The following RCC1 variants were observed in gnomAD, a reference collection of about 807,000 sequenced individuals.
RCC1 encodes regulator of chromosome condensation.
In RCC1, 11 loss-of-function variants were observed where a neutral mutation model predicts 44.4. That is an observed-to-expected ratio of 0.25 (90% CI 0.16 to 0.41). The LOEUF (loss-of-function observed/expected upper bound fraction) is 0.41, where lower values mean the gene tolerates loss of function less well. Among genes scored for constraint, RCC1 ranks in the 10% least tolerant of loss-of-function variants. The pLI is 1.00. For synonymous variants in RCC1, 213 were observed against 216.5 expected (o/e 0.98, Z 0.14); for missense variants, 386 against 547.1 (o/e 0.71, Z 2.94).
intron 9 of RCC1, 47 bp from the exon 10 acceptor site, chr1:28,535,824 C>T (rs774366293): frequency 3.5e-5 from 56 of 1,583,328 alleles, no homozygotes; most frequent in Non-Finnish European, 4.6e-5. Context: ...AGAGAGAAGC[C>T]ATGTGTGTCT....
At chr1:28,518,766 G>A (rs1158238622) in intron 4 of RCC1, 3 of 152,106 alleles carry the variant, frequency 2.0e-5, no homozygotes, top group African/African-American at 7.2e-5. Context: ...GGTCGTAGGA[G>A]CTCGAGGGTC....
At chr1:28,533,442 G>T (rs958343051) in intron 7 of RCC1, among the ~76,000 whole-genome samples, 14 of 147,662 alleles carry the variant, frequency 9.5e-5, no homozygotes, top group African/African-American at 3.3e-4. Context: ...CTGCACTCCA[G>T]CCTAGGGGAC....
chr1:28,509,423 G>T (rs1662325425), intron 3 of RCC1: 1 of 158,344 alleles, frequency 6.3e-6, no homozygotes, highest in Non-Finnish European at 1.4e-5. Context: ...TGTATTTTTA[G>T]TAGAGATGAG....
At chr1:28,533,825 T>TTTTTCTTTTC (rs1557879700) in intron 7 of RCC1, among the ~76,000 whole-genome samples, 5 of 129,390 alleles carry the variant, frequency 3.9e-5, no homozygotes, top group African/African-American at 8.7e-5. Context: ...GAATTATATT[T>TTTTTCTTTTC]TTTTCTTTTC....
Position 28,523,032 on chromosome 1 carries a change from T to C in RCC1, c.-10+6165T>C, listed in dbSNP as rs1201352801. 5.1e-5 allele frequency among the ~76,000 whole-genome samples: 7 copies of C among 137,712 alleles called. No individual in the cohort carries two copies. The East Asian group carries it at 6.0e-4, about 12-fold the overall frequency. 90.3% of individuals were successfully genotyped at this position (137,712 alleles called of 152,430 possible). A position where few individuals can be genotyped will look rare whatever the true frequency, so the allele number is the denominator to read the frequency against. On this transcript the variant is annotated intron_variant, in intron 4 of 12. Coordinates refer to ENST00000683442, the MANE Select transcript of RCC1 (RefSeq NM_001381865.2). The stretch of plus-strand genomic sequence containing the variant: ...GAAGGAGGCAGAAGAAATTTCTTTT[T>C]TTTTTTTTTTTTTTTTTGAGACGGA...
chr1:28,515,624 G>A (rs1662851654), intron 3 of RCC1, among the ~76,000 whole-genome samples: 1 of 150,172 alleles, frequency 6.7e-6, no homozygotes, highest in Non-Finnish European at 1.5e-5. Context: ...GACTGAGGCA[G>A]GAAAATTGCT....
chr1:28,523,543 A>G (rs928929646), intron 4 of RCC1, among the ~76,000 whole-genome samples: 9 of 152,148 alleles, frequency 5.9e-5, no homozygotes, highest in African/African-American at 2.2e-4. Flanking sequence ...TCCATCCATG[A>G]TAACAGATTT....
chr1:28,519,752 T>C (rs1213817328), intron 4 of RCC1, among the ~76,000 whole-genome samples: 1 of 151,598 alleles, frequency 6.6e-6, no homozygotes, highest in Non-Finnish European at 1.5e-5. Flanking sequence ...TTTTTTTTTT[T>C]AGTAGAGACG....
At chr1:28,524,968 C>G (rs2840767) in intron 4 of RCC1, among the ~76,000 whole-genome samples, 152,284 of 152,296 alleles carry the variant, frequency 1, 76,136 homozygotes, top group Middle Eastern at 1. Flanking sequence ...CCCAGACACC[C>G]AGTTAAAGAA....
At chr1:28,506,107 G>T (rs1426846577) in intron 1 of RCC1, 23 bp downstream of exon 1, 1 of 455,226 alleles carries the variant, frequency 2.2e-6, no homozygotes, top group African/African-American at 2.0e-5. Flanking sequence ...CTTGGTAAGT[G>T]TGATCAGATG....
At chr1:28,526,493 G>A in intron 4 of RCC1, 1 of 577,114 alleles carries the variant, frequency 1.7e-6, no homozygotes, top group Non-Finnish European at 3.3e-6. Context: ...AGGCAAGACG[G>A]CTAAAGTGGG....
intron 2 of RCC1, chr1:28,508,625 G>T (rs1469440760): frequency 1.9e-6 from 1 of 518,750 alleles, no homozygotes; most frequent in East Asian, 5.4e-5. Context: ...GGAGCTTAGG[G>T]CTCTGCCCCA....
intron 4 of RCC1, among the ~76,000 whole-genome samples, chr1:28,521,367 G>A (rs1318515570): frequency 3.3e-5 from 5 of 151,758 alleles, no homozygotes; most frequent in African/African-American, 7.3e-5. Context: ...TGGGTGTGGT[G>A]GCAGGCGCCT....
intron 1 of RCC1, chr1:28,507,613 T>TG (rs1662102444): frequency 2.1e-6 from 1 of 481,892 alleles, no homozygotes; most frequent in Non-Finnish European, 4.1e-6. Context: ...TTTTTTTTTT[T>TG]TTTTTTTTGG....
At chr1:28,514,958 A>G (rs1662802013) in intron 3 of RCC1, among the ~76,000 whole-genome samples, 1 of 152,158 alleles carries the variant, frequency 6.6e-6, no homozygotes, top group South Asian at 2.1e-4. Context: ...TATGTTATAA[A>G]ACCCACAGTA....
At chr1:28,508,637 G>GATGT (rs1168688130) in intron 2 of RCC1, 193 bp from the exon 3 acceptor site, 1 of 518,888 alleles carries the variant, frequency 1.9e-6, no homozygotes, top group Non-Finnish European at 3.8e-6. Context: ...TCTGCCCCAT[G>GATGT]ATGTACAGTC....
intron 3 of RCC1, among the ~76,000 whole-genome samples, chr1:28,515,726 TAAA>T (rs1174553742): frequency 6.6e-6 from 1 of 150,706 alleles, no homozygotes; most frequent in Non-Finnish European, 1.5e-5. Context: ...CAAAATAAAA[TAAA>T]AAATACAAAT....
chr1:28,508,096 C>CT (rs1447248274), intron 1 of RCC1, 32 bp from the exon 2 acceptor site: 1 of 432,940 alleles, frequency 2.3e-6, no homozygotes, highest in Non-Finnish European at 4.7e-6. Context: ...TAGGGTTTTG[C>CT]TGTACTAATA....
chr1:28,532,550 G>A lies in RCC1; in HGVS notation c.441+200G>A, dbSNP rs556354995. Reference sequence around the variant, plus strand: ...CGCCACTGGCTGCTTCCTTGAATCCGATGTCATCAAGTGTCTGTCCTGGGA... The same window carrying A: ...CGCCACTGGCTGCTTCCTTGAATCCAATGTCATCAAGTGTCTGTCCTGGGA... On this transcript the variant is annotated intron_variant, in intron 7 of 12. Coordinates refer to ENST00000683442, the MANE Select transcript of RCC1 (RefSeq NM_001381865.2). 6.1e-4 allele frequency: 360 copies of A among 587,280 alleles called. 4 individuals are homozygous for A. The highest frequency in any genetic ancestry group is 4.6e-4 in the Non-Finnish European group (151 of 329,980). 36.4% of individuals were successfully genotyped at this position (587,280 alleles called of 1,614,324 possible).
Sources: gnomAD v4.1 joint callset for allele counts (sites outside exome capture counted in the v4.1 genomes callset) on GRCh38, gnomAD v4.1.1 for gene constraint, MANE v1.5 for transcripts, NCBI Gene and HGNC (gene_info 2026-07-23, HGNC 2026-07-21) for gene names.